EML5: variants seen among roughly 807,000 people sequenced by gnomAD.
The protein encoded by EML5 is echinoderm microtubule-associated protein-like 5.
Under a neutral mutation model 250.0 loss-of-function variants are expected in EML5, and 120 were observed. That is an observed-to-expected ratio of 0.48 (90% CI 0.41 to 0.56). The LOEUF (loss-of-function observed/expected upper bound fraction) is 0.56, where lower values mean the gene tolerates loss of function less well. Among genes scored for constraint, EML5 ranks in the 20% least tolerant of loss-of-function variants. EML5 has a pLI of 0.00. For missense variants in EML5, 2,006 were observed against 2,437.6 expected, an observed-to-expected ratio of 0.82 and a Z score of 3.73; for synonymous variants, 771 against 806.5, an observed-to-expected ratio of 0.96 and a Z score of 0.75.
chr14:88,636,993 T>C (rs746438493), intron 32 of EML5, among the ~76,000 whole-genome samples: 38 of 152,194 alleles, frequency 2.5e-4, no homozygotes, highest in Non-Finnish European at 5.1e-4. Context: ...CTGGCTAAAA[T>C]AGTACAAAAT....
In EML5 at chr14:88,706,361, A is replaced by C; in HGVS notation, c.1723T>G (p.Tyr575Asp). 1 of 1,610,010 alleles carries C rather than the reference A, an allele frequency of 6.2e-7. No individual in the cohort carries two copies. Among genetic ancestry groups the C allele is most frequent in the Non-Finnish European group, 8.5e-7 (1 of 1,178,220 alleles). The change falls in exon 11 of 44, where the codon TAT becomes GAT. Residue 575 changes from tyrosine (Y) to aspartate (D), a missense_variant. Tyr to Asp is a radical substitution (Grantham distance 160, BLOSUM62 -3). Around this residue, in one of 7 missense-constraint regions of EML5, gnomAD observed 1,375 missense variants for 1,590.3 expected, o/e 0.86. Coordinates refer to ENST00000554922, the MANE Select transcript of EML5 (RefSeq NM_183387.3). Reference protein sequence around the residue: ...HVTNVRWSHDYQWVISIGGAD... With the variant: ...HVTNVRWSHDDQWVISIGGAD... ...CCACCAATAGAAATAACCCACTGAT[A>C]ATCATGTGACCATCTGACATTAGTT...
At chr14:88,703,990 T>C (rs2093268584) in intron 13 of EML5, among the ~76,000 whole-genome samples, 1 of 152,200 alleles carries the variant, frequency 6.6e-6, no homozygotes, top group Non-Finnish European at 1.5e-5. Context: ...ATGTTGTAAG[T>C]CACCACTAGC....
At chr14:88,726,462 G>GTA in intron 8 of EML5, 79 bp downstream of exon 8, 6 of 1,240,568 alleles carry the variant, frequency 4.8e-6, no homozygotes, top group Non-Finnish European at 6.5e-6. Context: ...TATATATTCT[G>GTA]TATCGCTGAA....
Position 88,642,783 on chromosome 14 carries a change from C to T in EML5, c.4237+110G>A, listed in dbSNP as rs375919440. On this transcript the variant is annotated intron_variant, in intron 31 of 43. Coordinates refer to ENST00000554922, the MANE Select transcript of EML5 (RefSeq NM_183387.3). ...GAAATATTTTTATTCTGGAGTGTTT[C>T]TCCTACATTTCAATTACTATTTATA... 119 of 1,024,908 alleles carry T rather than the reference C, an allele frequency of 1.2e-4. No homozygotes were observed. The African/African-American group carries it at 1.8e-3, about 15-fold the overall frequency. 63.5% of individuals were successfully genotyped at this position (1,024,908 alleles called of 1,614,324 possible).
chr14:88,736,874 C>CT (rs561918860), intron 6 of EML5, among the ~76,000 whole-genome samples: 2 of 151,604 alleles, frequency 1.3e-5, no homozygotes, highest in African/African-American at 2.4e-5. Context: ...TTTTTTAAGC[C>CT]TTTTTTTACT....
At chr14:88,669,421 C>G (rs1325855337) in intron 21 of EML5, among the ~76,000 whole-genome samples, 1 of 152,168 alleles carries the variant, frequency 6.6e-6, no homozygotes, top group African/African-American at 2.4e-5. Context: ...GGAAAATAGA[C>G]AGTTTAGACC....
At chr14:88,659,673 C>T (rs1295583892) in intron 25 of EML5, among the ~76,000 whole-genome samples, 2 of 152,216 alleles carry the variant, frequency 1.3e-5, no homozygotes, top group Non-Finnish European at 2.9e-5. Context: ...TCTACACCAT[C>T]TGGAACGCTG....
intron 33 of EML5, among the ~76,000 whole-genome samples, chr14:88,632,657 G>A (rs1010218097): frequency 3.3e-5 from 5 of 152,176 alleles, no homozygotes; most frequent in African/African-American, 9.7e-5. Context: ...TCATCAGAAG[G>A]GCCTGCTTGC....
rs573116584 is a variant in EML5, at chr14:88,726,179, C to A, written c.1187+362G>T. On this transcript the variant is annotated intron_variant, in intron 8 of 43. Coordinates refer to ENST00000554922, the MANE Select transcript of EML5 (RefSeq NM_183387.3). Reference sequence around the variant, plus strand: ...ATAACAACAACAACAACAACAACCCCATTTTAACAGCCTCAGCTTGTTAAA... The same window carrying A: ...ATAACAACAACAACAACAACAACCCAATTTTAACAGCCTCAGCTTGTTAAA... Among the ~76,000 whole-genome samples the A allele has an allele frequency of 2.6e-5, 4 of 152,252 alleles. No individual in the cohort carries two copies. The East Asian group carries it at 7.7e-4, about 29-fold the overall frequency.
intron 29 of EML5, among the ~76,000 whole-genome samples, chr14:88,645,095 C>T (rs543773146): frequency 2.6e-5 from 4 of 151,990 alleles, no homozygotes; most frequent in South Asian, 2.1e-4. Flanking sequence ...GGCACATTCT[C>T]GCCTCACTGC....
chr14:88,652,072 G>A (rs923863191), intron 27 of EML5, among the ~76,000 whole-genome samples: 2 of 152,128 alleles, frequency 1.3e-5, no homozygotes, highest in Admixed American at 6.5e-5. Context: ...CATGTCCTTT[G>A]CACTATACGA....
Position 88,792,610 on chromosome 14 carries a change from G to A in EML5, c.-107C>T. On this transcript the variant is annotated 5_prime_UTR_variant, in exon 1 of 44. Transcript: ENST00000554922. The surrounding 1 kb of genome is among the most constrained non-coding windows in gnomAD (Gnocchi z 6.9). ...CGCTGGCTGCCGGGACTTCCCGCCAGCCGCGTCCTCTAAGCCGCGCCCGTC... is the reference window on the plus strand; with the variant it reads ...CGCTGGCTGCCGGGACTTCCCGCCAACCGCGTCCTCTAAGCCGCGCCCGTC... 8.5e-7 allele frequency: 1 copy of A among 1,179,798 alleles called. No homozygotes were observed. Among genetic ancestry groups the A allele is most frequent in the Non-Finnish European group, 1.0e-6 (1 of 955,200 alleles). 73.1% of individuals were successfully genotyped at this position (1,179,798 alleles called of 1,614,324 possible).
intron 3 of EML5, 77 bp downstream of exon 3, chr14:88,746,108 A>G: frequency 1.7e-6 from 2 of 1,171,054 alleles, no homozygotes; most frequent in Non-Finnish European, 2.5e-6. Flanking sequence ...CAAAATACAG[A>G]AGAATAAAAT....
chr14:88,681,755 A>T, intron 21 of EML5, 135 bp downstream of exon 21: 2 of 1,031,016 alleles, frequency 1.9e-6, no homozygotes, highest in Non-Finnish European at 2.7e-6. Flanking sequence ...TGGCACCATG[A>T]GCAAGTAGAC....
At position 88,696,801 on chromosome 14, in the gene EML5, G is replaced by T. The variant is rs761307687; in HGVS notation, c.2344+46C>A. Reference sequence around the variant, plus strand: ...GACTTAGATTAAAATGCTATGTGTTGCCTCTGCATTTTGTTAATTCTTACT... The same window carrying T: ...GACTTAGATTAAAATGCTATGTGTTTCCTCTGCATTTTGTTAATTCTTACT... On this transcript the variant is annotated intron_variant, in intron 15 of 43. Coordinates refer to ENST00000554922, the MANE Select transcript of EML5 (RefSeq NM_183387.3). 2.5e-5 allele frequency: 33 copies of T among 1,338,210 alleles called. No homozygotes were observed. The South Asian group carries it at 4.2e-4, about 17-fold the overall frequency. 82.9% of individuals were successfully genotyped at this position (1,338,210 alleles called of 1,614,324 possible). A position where few individuals can be genotyped will look rare whatever the true frequency, so the allele number is the denominator to read the frequency against.
intron 37 of EML5, chr14:88,621,695 G>A (rs2088971895): frequency 3.6e-6 from 1 of 278,854 alleles, no homozygotes. Flanking sequence ...TATGCAGGCT[G>A]AAGATAATAT....
chr14:88,658,050 T>C, intron 26 of EML5, 137 bp downstream of exon 26: 1 of 795,674 alleles, frequency 1.3e-6, no homozygotes, highest in Non-Finnish European at 1.9e-6. Flanking sequence ...CAAAATGGAT[T>C]TTGATGTTAA....
At chr14:88,784,780 T>C (rs923877108) in intron 1 of EML5, among the ~76,000 whole-genome samples, 1 of 152,210 alleles carries the variant, frequency 6.6e-6, no homozygotes, top group Non-Finnish European at 1.5e-5. Flanking sequence ...GAGAACAGTT[T>C]GGAGGTTCCT....
At chr14:88,729,566 T>TG (rs1185243142) in intron 7 of EML5, among the ~76,000 whole-genome samples, 11 of 145,634 alleles carry the variant, frequency 7.6e-5, no homozygotes, top group African/African-American at 2.4e-4. Flanking sequence ...TGGTTTTTTG[T>TG]TTTTTGTTTT....
Sources: gnomAD v4.1 joint callset for allele counts (sites outside exome capture counted in the v4.1 genomes callset) on GRCh38, gnomAD v4.1.1 for gene constraint, gnomAD v4.1.1 regional missense constraint, Gnocchi (gnomAD v3.1) non-coding constraint, MANE v1.5 for transcripts, NCBI Gene and HGNC (gene_info 2026-07-23, HGNC 2026-07-21) for gene names.